The following NRG1 variants were observed in gnomAD, a reference collection of about 807,000 sequenced individuals.
NRG1 encodes the protein neuregulin 1, also known as pro-neuregulin-1, membrane-bound isoform.
A neutral mutation model predicts 63.8 loss-of-function variants in NRG1; 18 were observed. The ratio of observed to expected loss-of-function variants is 0.28; its 90% CI spans 0.19 to 0.42. NRG1 has a LOEUF of 0.42. NRG1 is among the 10% of genes least tolerant of loss of function. NRG1 has a pLI of 1.00. For synonymous variants in NRG1, 302 were observed against 301.3 expected, an observed-to-expected ratio of 1.00 and a Z score of -0.02; for missense variants, 762 against 814.7, an observed-to-expected ratio of 0.94 and a Z score of 0.79.
chr8:32,611,616 A>G (rs1846369510), intron 3 of NRG1, among the ~76,000 whole-genome samples: 1 of 152,092 alleles, frequency 6.6e-6, no homozygotes, highest in Non-Finnish European at 1.5e-5. Flanking sequence ...GTAAGCATTC[A>G]TTATGAACAG....
chr8:31,871,812 A>C (rs1028003281), intron 1 of NRG1, among the ~76,000 whole-genome samples: 4 of 152,236 alleles, frequency 2.6e-5, no homozygotes, highest in Non-Finnish European at 5.9e-5. Flanking sequence ...GGCCCACGAC[A>C]CATAATGATT....
At chr8:31,798,668 CATA>C (rs1156621202) in intron 1 of NRG1, among the ~76,000 whole-genome samples, 2 of 152,056 alleles carry the variant, frequency 1.3e-5, no homozygotes, top group African/African-American at 4.8e-5. Flanking sequence ...GTCATATGTA[CATA>C]ATAAGATGTA....
chr8:31,672,796 G>A (rs1403567797), intron 1 of NRG1, among the ~76,000 whole-genome samples: 1 of 152,052 alleles, frequency 6.6e-6, no homozygotes, highest in African/African-American at 2.4e-5. Context: ...GAGTAATGAG[G>A]TGCTCTAGAT....
intron 1 of NRG1, among the ~76,000 whole-genome samples, chr8:32,140,556 G>C (rs1836117058): frequency 6.6e-6 from 1 of 151,766 alleles, no homozygotes; most frequent in African/African-American, 2.4e-5. Context: ...TCAAGCTCCT[G>C]GGTCAAGTGA....
At chr8:32,205,424 G>A (rs968440772) in intron 1 of NRG1, among the ~76,000 whole-genome samples, 3 of 151,978 alleles carry the variant, frequency 2.0e-5, no homozygotes, top group Admixed American at 6.6e-5. Flanking sequence ...ATGACAAAAC[G>A]TTTCAATCAG....
chr8:32,036,194 T>C (rs1819029722), intron 1 of NRG1, among the ~76,000 whole-genome samples: 1 of 152,188 alleles, frequency 6.6e-6, no homozygotes, highest in Admixed American at 6.5e-5. Context: ...TTATGAAGCT[T>C]AGTTTGACCA....
At chr8:32,728,457 T>C (rs1383380450) in intron 6 of NRG1, 19 of 985,204 alleles carry the variant, frequency 1.9e-5, no homozygotes, top group Non-Finnish European at 2.3e-5. Flanking sequence ...TGTAAGATAA[T>C]GTTGCTTTCT....
chr8:31,907,789 T>A (rs899897287), intron 1 of NRG1, among the ~76,000 whole-genome samples: 1 of 152,146 alleles, frequency 6.6e-6, no homozygotes, highest in African/African-American at 2.4e-5. Context: ...ACTCAATAAT[T>A]TTTTTGAATT....
intron 1 of NRG1, among the ~76,000 whole-genome samples, chr8:32,173,731 A>G (rs1272606070): frequency 6.6e-6 from 1 of 152,254 alleles, no homozygotes; most frequent in Non-Finnish European, 1.5e-5. Flanking sequence ...ACAAAGATCA[A>G]AAGAGACAAA....
At chr8:32,020,033 C>G (rs139697083) in intron 1 of NRG1, among the ~76,000 whole-genome samples, 2,511 of 152,220 alleles carry the variant, frequency 0.016, 45 homozygotes, top group Middle Eastern at 0.055. Context: ...GCCTACCCCC[C>G]AAAATAAATC....
chr8:32,460,894 C>G (rs1158057321), intron 1 of NRG1, among the ~76,000 whole-genome samples: 1 of 151,970 alleles, frequency 6.6e-6, no homozygotes, highest in African/African-American at 2.4e-5. Flanking sequence ...AAACACACAC[C>G]AGCATAGACA....
chr8:32,179,695 G>A (rs1003937810), intron 1 of NRG1, among the ~76,000 whole-genome samples: 1 of 152,124 alleles, frequency 6.6e-6, no homozygotes, highest in Non-Finnish European at 1.5e-5. Context: ...TATTCAGAAA[G>A]TGTTTGGTGT....
intron 1 of NRG1, among the ~76,000 whole-genome samples, chr8:32,415,156 C>T (rs984980767): frequency 4.0e-5 from 6 of 151,652 alleles, no homozygotes; most frequent in African/African-American, 1.5e-4. Context: ...GTGTATAATC[C>T]CAGCACTTTG....
At chr8:31,679,952 G>A (rs1257679147) in intron 1 of NRG1, among the ~76,000 whole-genome samples, 1 of 151,962 alleles carries the variant, frequency 6.6e-6, no homozygotes. Flanking sequence ...ACCATTTATA[G>A]TAGTATACAA....
chr8:32,038,023 A>C (rs941258900), intron 1 of NRG1, among the ~76,000 whole-genome samples: 1 of 152,194 alleles, frequency 6.6e-6, no homozygotes, highest in Non-Finnish European at 1.5e-5. Flanking sequence ...CCAGAGCTAG[A>C]GTATGCAAAA....
chr8:32,279,920 C>T (rs1852521251), intron 1 of NRG1, among the ~76,000 whole-genome samples: 1 of 152,182 alleles, frequency 6.6e-6, no homozygotes, highest in South Asian at 2.1e-4. Context: ...AGCTGGCAGT[C>T]CTCCTTGATT....
chr8:32,240,230 A>T (rs1431351515), intron 1 of NRG1, among the ~76,000 whole-genome samples: 1 of 152,214 alleles, frequency 6.6e-6, no homozygotes. Context: ...ATAAAAAAGG[A>T]ATGAGCTATT....
At chr8:32,379,823 A>T (rs1282372672) in intron 1 of NRG1, among the ~76,000 whole-genome samples, 1 of 152,216 alleles carries the variant, frequency 6.6e-6, no homozygotes, top group East Asian at 1.9e-4. Context: ...TACTGTCCTA[A>T]GATTTCTGGA....
At chr8:32,569,389 G>A (rs552477932) in intron 1 of NRG1, among the ~76,000 whole-genome samples, 1 of 152,298 alleles carries the variant, frequency 6.6e-6, no homozygotes, top group East Asian at 1.9e-4. Context: ...TGTGCGTACT[G>A]TGTGTGCATG....
Sources: gnomAD v4.1 joint callset for allele counts (sites outside exome capture counted in the v4.1 genomes callset) on GRCh38, gnomAD v4.1.1 for gene constraint, MANE v1.5 for transcripts, NCBI Gene and HGNC (gene_info 2026-07-23, HGNC 2026-07-21) for gene names.